The following CCDC91 variants were observed in gnomAD, a reference collection of about 807,000 sequenced individuals.
CCDC91 encodes coiled-coil domain containing 91, also known as coiled-coil domain-containing protein 91.
Under a neutral mutation model 63.2 loss-of-function variants are expected in CCDC91, and 48 were observed. That is an observed-to-expected ratio of 0.76 (90% confidence interval 0.60 to 0.97). The LOEUF (loss-of-function observed/expected upper bound fraction) is 0.97. Among genes scored for constraint, CCDC91 ranks in the 50% least tolerant of loss-of-function variants. CCDC91 has a pLI of 0.00. For synonymous variants in CCDC91, 167 were observed against 165.8 expected, an observed-to-expected ratio of 1.01 and a Z score of -0.06; for missense variants, 500 against 494.6, an observed-to-expected ratio of 1.01 and a Z score of -0.10.
At chr12:28,361,109 G>A (rs1943848077) in intron 6 of CCDC91, among the ~76,000 whole-genome samples, 1 of 150,944 alleles carries the variant, frequency 6.6e-6, no homozygotes, top group East Asian at 1.9e-4. Context: ...CCACATTCGT[G>A]CCTGATGTTG....
At chr12:28,211,399 A>G (rs953917443) in intron 1 of CCDC91, among the ~76,000 whole-genome samples, 1 of 152,128 alleles carries the variant, frequency 6.6e-6, no homozygotes, top group Non-Finnish European at 1.5e-5. Flanking sequence ...GTGTGACAAA[A>G]CATAGACATT....
At chr12:28,394,732 C>CTCTCTCTCTCTCTCTCT (rs371886485) in intron 8 of CCDC91, among the ~76,000 whole-genome samples, 59 of 151,518 alleles carry the variant, frequency 3.9e-4, no homozygotes, top group South Asian at 6.3e-4. Context: ...CTCTCTCTCT[C>CTCTCTCTCTCTCTCTCT]CCCCTTTTTC....
intron 1 of CCDC91, among the ~76,000 whole-genome samples, chr12:28,226,602 G>C (rs1277896656): frequency 6.6e-6 from 1 of 152,108 alleles, no homozygotes; most frequent in Non-Finnish European, 1.5e-5. Context: ...ATAATATAGA[G>C]AGTTCTCAGA....
chr12:28,314,853 T>C (rs894098366), intron 6 of CCDC91, among the ~76,000 whole-genome samples: 1 of 151,982 alleles, frequency 6.6e-6, no homozygotes, highest in Non-Finnish European at 1.5e-5. Context: ...ATCCTCTTCA[T>C]AGGCCTTATA....
In CCDC91 at chr12:28,442,026, T is replaced by G. The variant is rs1204046906; in HGVS notation, c.763-8135T>G. Among the ~76,000 whole-genome samples the G allele has an allele frequency of 2.0e-5, 3 of 152,082 alleles. No homozygotes were observed. In the East Asian group the frequency reaches 5.8e-4, roughly 29 times the overall value. On this transcript the variant is annotated intron_variant, in intron 8 of 12. Coordinates refer to ENST00000536442, the MANE Select transcript of CCDC91 (RefSeq NM_018318.5). ...GGTGGCATTACAGATGATAAAAGATTGGCAGAATATTGATAATTGTTGAAA... is the reference window on the plus strand; with the variant it reads ...GGTGGCATTACAGATGATAAAAGATGGGCAGAATATTGATAATTGTTGAAA...
intron 12 of CCDC91, among the ~76,000 whole-genome samples, chr12:28,485,624 T>G (rs1951685371): frequency 6.6e-6 from 1 of 152,168 alleles, no homozygotes; most frequent in African/African-American, 2.4e-5. Flanking sequence ...CAGAAACATT[T>G]TATATTGGAT....
At chr12:28,219,780 T>C (rs187471884) in intron 1 of CCDC91, among the ~76,000 whole-genome samples, 67 of 152,252 alleles carry the variant, frequency 4.4e-4, no homozygotes, top group African/African-American at 1.6e-3. Context: ...GCCCCCATTG[T>C]AACCATTTTT....
intron 1 of CCDC91, among the ~76,000 whole-genome samples, chr12:28,200,710 A>G (rs1314021861): frequency 2.0e-5 from 3 of 151,742 alleles, no homozygotes; most frequent in Non-Finnish European, 2.9e-5. Flanking sequence ...CGATTTCTCA[A>G]TCTTTTCCCC....
chr12:28,260,858 T>C (rs1178680252), intron 3 of CCDC91, among the ~76,000 whole-genome samples: 1 of 152,012 alleles, frequency 6.6e-6, no homozygotes, highest in African/African-American at 2.4e-5. Context: ...ATGATATTTA[T>C]ATAATGGCTC....
intron 8 of CCDC91, among the ~76,000 whole-genome samples, chr12:28,447,990 A>G (rs1302397331): frequency 2.0e-5 from 3 of 151,996 alleles, no homozygotes; most frequent in African/African-American, 2.4e-5. Flanking sequence ...AGCATAGATT[A>G]CTCTTATTCT....
In CCDC91 at chr12:28,341,129, G is replaced by A. The variant is rs567193327; in HGVS notation, c.577-21309G>A. Among the ~76,000 whole-genome samples, 183 of 152,236 alleles carry A rather than the reference G, an allele frequency of 1.2e-3. No homozygotes were observed. In the South Asian group the frequency reaches 0.035, roughly 29 times the overall value. On this transcript the variant is annotated intron_variant, in intron 6 of 12. Transcript: ENST00000536442. Reference sequence around the variant, plus strand: ...TCTGTCGGTGTGCTTTTCCACTGGCGTCCTCTCAACGTCCAGCCACTACAT... The same window carrying A: ...TCTGTCGGTGTGCTTTTCCACTGGCATCCTCTCAACGTCCAGCCACTACAT...
chr12:28,446,280 A>G (rs776075994), intron 8 of CCDC91, among the ~76,000 whole-genome samples: 3 of 152,182 alleles, frequency 2.0e-5, no homozygotes, highest in Non-Finnish European at 4.4e-5. Flanking sequence ...TCAGTTCAAT[A>G]TCTTTTGTGG....
chr12:28,439,264 TCA>T (rs750391836), intron 8 of CCDC91, among the ~76,000 whole-genome samples: 2 of 152,210 alleles, frequency 1.3e-5, no homozygotes, highest in Non-Finnish European at 2.9e-5. Context: ...AGATTTAATC[TCA>T]CAGTTTATCT....
intron 8 of CCDC91, among the ~76,000 whole-genome samples, chr12:28,394,465 A>AAAAC (rs1440357898): frequency 6.6e-6 from 1 of 151,718 alleles, no homozygotes; most frequent in African/African-American, 2.4e-5. Context: ...CTGTCTCAAA[A>AAAAC]AAACAAACAA....
At chr12:28,308,114 T>G (rs1475746259) in intron 6 of CCDC91, among the ~76,000 whole-genome samples, 1 of 151,968 alleles carries the variant, frequency 6.6e-6, no homozygotes, top group African/African-American at 2.4e-5. Flanking sequence ...AATTGTCTCC[T>G]TTTCTCCTTC....
chr12:28,450,456 G>C lies in CCDC91; in HGVS notation c.924+38G>C. On this transcript the variant is annotated intron_variant, in intron 10 of 12. Coordinates refer to ENST00000536442, the MANE Select transcript of CCDC91 (RefSeq NM_018318.5). ...GTAATAGTGGGTTGCTTGTAAGTAA[G>C]TGGAATTAAAAAATGGAATATATTA... 1.4e-6 allele frequency: 2 copies of C among 1,408,742 alleles called. 1 individual carries two copies. Among genetic ancestry groups the C allele is most frequent in the South Asian group, 2.3e-5 (2 of 85,930 alleles). The allele number at this position is 1,408,742 out of a possible 1,614,324, so 87.3% of individuals were successfully genotyped here.
chr12:28,515,513 A>T (rs1939846548), intron 12 of CCDC91, among the ~76,000 whole-genome samples: 2 of 151,870 alleles, frequency 1.3e-5, no homozygotes, highest in Non-Finnish European at 2.9e-5. Context: ...TTCAATGTAG[A>T]CTATTTGTAA....
At chr12:28,452,771 T>C (rs1479659283) in intron 11 of CCDC91, 117 bp downstream of exon 11, 4 of 399,538 alleles carry the variant, frequency 1.0e-5, no homozygotes, top group African/African-American at 2.1e-5. Context: ...TTTATGACTT[T>C]TTAATTTTTA....
intron 3 of CCDC91, among the ~76,000 whole-genome samples, chr12:28,259,770 T>G (rs1946706153): frequency 6.6e-6 from 1 of 151,934 alleles, no homozygotes; most frequent in African/African-American, 2.4e-5. Context: ...CATTAAAGAT[T>G]CCTTTTTATA....
Sources: allele counts gnomAD v4.1 joint callset (sites outside exome capture counted in the v4.1 genomes callset), GRCh38; gene constraint gnomAD v4.1.1; transcripts MANE v1.5; gene names NCBI Gene and HGNC (gene_info 2026-07-23, HGNC 2026-07-21).